The following ZAN variants were observed in gnomAD, a reference collection of about 807,000 sequenced individuals.
ZAN encodes zonadhesin, also known as zonadhesin (gene/pseudogene).
In ZAN, 260 loss-of-function variants were observed where a neutral mutation model predicts 286.2. The observed-to-expected ratio is 0.91, with a 90% confidence interval of 0.82 to 1.01. The LOEUF (loss-of-function observed/expected upper bound fraction) is 1.01, where lower values mean the gene tolerates loss of function less well. Among genes scored for constraint, ZAN ranks in the 50% least tolerant of loss-of-function variants. The probability of loss-of-function intolerance (pLI) is 0.00; values close to 1 mark genes in which losing one functional copy is unlikely to be tolerated. For synonymous variants in ZAN, 1,368 were observed against 1,417.5 expected (o/e 0.97, Z 0.79); for missense variants, 3,410 against 3,639.2 (o/e 0.94, Z 1.62).
intron 39 of ZAN, 118 bp downstream of exon 39, chr7:100,789,465 G>C (rs1245199219): frequency 1.3e-6 from 2 of 1,482,272 alleles, no homozygotes; most frequent in African/African-American, 2.8e-5. Flanking sequence ...GGGGCACCCA[G>C]CTTCAGAGGA....
intron 34 of ZAN, among the ~76,000 whole-genome samples, chr7:100,778,361 C>T (rs912367529): frequency 4.0e-5 from 6 of 149,452 alleles, no homozygotes; most frequent in East Asian, 2.0e-4. Context: ...CCCAACACTT[C>T]GTGAGGCCAA....
At chr7:100,756,698 GTT>G (rs552977730) in intron 15 of ZAN, among the ~76,000 whole-genome samples, 3 of 140,406 alleles carry the variant, frequency 2.1e-5, no homozygotes, top group Admixed American at 7.2e-5. Context: ...ATTCACTTTT[GTT>G]TTTTTTTTTT....
intron 16 of ZAN, 24 bp from the exon 17 acceptor site, chr7:100,758,507 G>T: frequency 6.4e-7 from 1 of 1,554,572 alleles, no homozygotes; most frequent in Non-Finnish European, 8.7e-7. Flanking sequence ...AAGCAGCTTC[G>T]CCTGTTCTCC....
At chr7:100,792,991 A>T (rs1432504550) in intron 42 of ZAN, among the ~76,000 whole-genome samples, 3 of 142,310 alleles carry the variant, frequency 2.1e-5, no homozygotes, top group African/African-American at 7.7e-5. Context: ...TCAAAAAAAA[A>T]AAAAAAGAAA....
Position 100,767,986 on chromosome 7 carries a change from T to C in ZAN, c.5016T>C (p.Tyr1672=). ...TGGAAGTGACAGTCCCCTCCTCCTA[T>C]GGCGGCCAGCTCTGTGGGCTGTGTG... ...HLVEVTVPSS[Y]GGQLCGLCGN... is the part of the protein sequence containing the mutation. The change falls in exon 26 of 48, where the codon TAT becomes TAC. Residue 1672 remains tyrosine (Y), a synonymous_variant. Coordinates refer to ENST00000613979, the MANE Select transcript of ZAN (RefSeq NM_003386.3). The C allele has an allele frequency of 1.9e-6, 3 of 1,613,650 alleles. No homozygotes were observed.
rs1808854250 is a variant in ZAN at position 100,752,841 on chromosome 7, A to T, written c.2736A>T (p.Lys912Asn). ...PTEKPTISPE[K>N]PTISTEKPTI... ...AAAAACCCACCATCTCCCCAGAAAA[A>T]CCCACCATCTCCACGGAAAAACCCA... The change falls in exon 14 of 48, where the codon AAA becomes AAT. Residue 912 changes from lysine to asparagine, a missense_variant. Around this residue, in one of 7 missense-constraint regions of ZAN, gnomAD observed 51 missense variants for 105.2 expected, o/e 0.48. Coordinates refer to ENST00000613979, the MANE Select transcript of ZAN (RefSeq NM_003386.3). The T allele has an allele frequency of 6.2e-7, 1 of 1,602,170 alleles. No individual in the cohort carries two copies. The highest frequency in any genetic ancestry group is 1.4e-5 in the African/African-American group (1 of 72,444).
chr7:100,750,627 G>C lies in ZAN; in HGVS notation c.1252G>C (p.Gly418Arg). 1 of 1,613,100 alleles carries C rather than the reference G, an allele frequency of 6.2e-7. No individual in the cohort carries two copies. The highest frequency in any genetic ancestry group is 8.5e-7 in the Non-Finnish European group (1 of 1,179,588). The change falls in exon 12 of 48, where the codon GGT becomes CGT. Residue 418 changes from glycine to arginine, a missense_variant and splice_region_variant. Around this residue, in one of 7 missense-constraint regions of ZAN, gnomAD observed 872 missense variants for 938.9 expected, o/e 0.93. Coordinates refer to ENST00000613979, the MANE Select transcript of ZAN (RefSeq NM_003386.3). ...GCCTGTTCCCTTCCTTTGCCTAGGG[G>C]GTCACTATATCTACCTTGAGGCTGA... ...GPAGGFPNAG[G>R]HYIYLEADEF...
At position 100,759,528 on chromosome 7, in the gene ZAN, G is replaced by A. The variant is rs995226242; in HGVS notation, c.3572-193G>A. ...CCAGCCACTGAGTGGAGACAGACACGCTGCGGCTGCAGGCTCTTCTGGAAG... is the reference window on the plus strand; with the variant it reads ...CCAGCCACTGAGTGGAGACAGACACACTGCGGCTGCAGGCTCTTCTGGAAG... On this transcript the variant is annotated intron_variant, in intron 17 of 47. Transcript: ENST00000613979. Among the ~76,000 whole-genome samples, 3 of 152,188 alleles carry A rather than the reference G, an allele frequency of 2.0e-5. No individual in the cohort carries two copies. The South Asian group carries it at 6.2e-4, about 31-fold the overall frequency.
rs1271592526 is a variant in ZAN at position 100,749,649 on chromosome 7, A to T, written c.1250-976A>T. 5.7e-4 allele frequency among the ~76,000 whole-genome samples: 72 copies of T among 125,454 alleles called. 2 individuals are homozygous for T. The highest frequency in any genetic ancestry group is 3.1e-3 in the East Asian group (14 of 4,484). 82.3% of individuals were successfully genotyped at this position (125,454 alleles called of 152,430 possible). A position where few individuals can be genotyped will look rare whatever the true frequency, so the allele number is the denominator to read the frequency against. On this transcript the variant is annotated intron_variant, in intron 11 of 47. Coordinates refer to ENST00000613979, the MANE Select transcript of ZAN (RefSeq NM_003386.3). ...AGTGAGACTCCGTCTCAAAAAAAAA[A>T]AAATATATATATATATATATATATA...
Position 100,746,632 on chromosome 7 carries a change from CT to C in ZAN, c.865del (p.Ser289ProfsTer57). The C allele has an allele frequency of 1.2e-6, 2 of 1,614,006 alleles. No individual in the cohort carries two copies. Among genetic ancestry groups the C allele is most frequent in the Non-Finnish European group, 1.7e-6 (2 of 1,179,900 alleles). Reference protein sequence around the residue: ...PVSLSSGCLSFSFHYILRGQS... With the variant: ...PVSLSSGCLSXSFHYILRGQS... Reference sequence around the variant, plus strand: ...TGAGCCTGTCCTCTGGCTGTCTGAGCTTTTCCTTCCACTACATCCTCCGGGG... The same window carrying C: ...TGAGCCTGTCCTCTGGCTGTCTGAGCTTTCCTTCCACTACATCCTCCGGGG... On this transcript the variant is annotated frameshift_variant, in exon 8 of 48. Transcript: ENST00000613979. LOFTEE classifies it high-confidence loss of function.
chr7:100,769,826 C>A, intron 27 of ZAN, 54 bp from the exon 28 acceptor site: 1 of 1,490,812 alleles, frequency 6.7e-7, no homozygotes, highest in Admixed American at 2.0e-5. Flanking sequence ...GGATTATAGG[C>A]ATGAGCCACT....
intron 24 of ZAN, 70 bp downstream of exon 24, chr7:100,766,736 C>A: frequency 6.7e-7 from 1 of 1,503,664 alleles, no homozygotes; most frequent in South Asian, 1.3e-5. Flanking sequence ...TGGGTCCTGC[C>A]CAAAGCAGCT....
intron 39 of ZAN, 33 bp downstream of exon 39, chr7:100,789,380 G>A: frequency 6.2e-7 from 1 of 1,604,530 alleles, no homozygotes; most frequent in African/African-American, 1.3e-5. Flanking sequence ...GAGCAAAAGG[G>A]CCATTTCTGG....
intron 27 of ZAN, among the ~76,000 whole-genome samples, chr7:100,769,521 T>G (rs1810236515): frequency 6.6e-6 from 1 of 151,598 alleles, no homozygotes; most frequent in African/African-American, 2.4e-5. Flanking sequence ...CCTTTCTTCC[T>G]TCTTCCTTTC....
intron 25 of ZAN, 145 bp from the exon 26 acceptor site, chr7:100,767,686 C>T: frequency 2.2e-6 from 2 of 919,412 alleles, no homozygotes; most frequent in Non-Finnish European, 3.2e-6. Flanking sequence ...TCCATGTTGC[C>T]CAGGCTGATC....
At position 100,734,032 on chromosome 7, in the gene ZAN, T is replaced by G; in HGVS notation, c.-137T>G. On this transcript the variant is annotated 5_prime_UTR_variant, in exon 2 of 48. Transcript: ENST00000613979. ...TCATAATTTTAATTTCCCAGAGCTT[T>G]TCTGTGTTTCTCTGTTCATTCTTCA... 1.9e-6 allele frequency: 1 copy of G among 536,770 alleles called. No homozygotes were observed. The highest frequency in any genetic ancestry group is 3.5e-6 in the Non-Finnish European group (1 of 287,040). 33.3% of individuals were successfully genotyped at this position (536,770 alleles called of 1,614,324 possible). A position where few individuals can be genotyped will look rare whatever the true frequency, so the allele number is the denominator to read the frequency against.
chr7:100,764,834 C>T (rs562178124), intron 22 of ZAN, among the ~76,000 whole-genome samples: 3 of 152,072 alleles, frequency 2.0e-5, no homozygotes, highest in Admixed American at 6.6e-5. Context: ...GCAGAGATTG[C>T]GCCACTGCAC....
At position 100,766,571 on chromosome 7, in the gene ZAN, G is replaced by C; in HGVS notation, c.4517G>C (p.Cys1506Ser). 6.4e-7 allele frequency: 1 copy of C among 1,552,248 alleles called. No homozygotes were observed. The highest frequency in any genetic ancestry group is 8.7e-7 in the Non-Finnish European group (1 of 1,147,298). The stretch of plus-strand genomic sequence containing the variant: ...CCAGGCTGCAAAGAGTTGTGCGTCT[G>C]TGAAAGCAACAACAGAATTCGCTGC... The part of the protein sequence containing the change: ...YKPGCKELCV[C>S]ESNNRIRCQP... The change falls in exon 24 of 48, where the codon TGT becomes TCT. Residue 1506 changes from cysteine to serine, a missense_variant. Coordinates refer to ENST00000613979, the MANE Select transcript of ZAN (RefSeq NM_003386.3).
At chr7:100,747,987 G>GAA (rs3884114) in intron 9 of ZAN, 150 bp from the exon 10 acceptor site, 88,864 of 567,034 alleles carry the variant, frequency 0.16, 2,659 homozygotes, top group Non-Finnish European at 0.17. Context: ...GCAAGACTCT[G>GAA]AAAAAAAAAA....
Sources: allele counts gnomAD v4.1 joint callset (sites outside exome capture counted in the v4.1 genomes callset), GRCh38; gene constraint gnomAD v4.1.1; regional missense constraint gnomAD v4.1.1; transcripts MANE v1.5; gene names NCBI Gene and HGNC (gene_info 2026-07-23, HGNC 2026-07-21).